OR8G1: variants seen among roughly 807,000 people sequenced by gnomAD.
OR8G1 encodes olfactory receptor family 8 subfamily G member 1.
For missense variants in OR8G1, 372 were observed against 356.2 expected (o/e 1.04, Z -0.36); for synonymous variants, 129 against 133.3 (o/e 0.97, Z 0.22).
In OR8G1 at chr11:124,242,161, G is replaced by A. The variant is rs1861767751; in HGVS notation, c.-97+797G>A. 2.0e-5 allele frequency among the ~76,000 whole-genome samples: 3 copies of A among 151,820 alleles called. 1 individual carries two copies. Among genetic ancestry groups the A allele is most frequent in the South Asian group, 4.2e-4 (2 of 4,818 alleles). On this transcript the variant is annotated intron_variant, in intron 1 of 2. Coordinates refer to ENST00000641972, the MANE Select transcript of OR8G1 (RefSeq NM_001002905.2). ...AGGTTAGTTACATTTATTAAAAGAT[G>A]TATTCATAAATCTTTCAAATGCCAC...
intron 1 of OR8G1, among the ~76,000 whole-genome samples, chr11:124,246,657 T>A (rs570924607): frequency 2.0e-5 from 3 of 151,800 alleles, no homozygotes; most frequent in African/African-American, 7.2e-5. Flanking sequence ...CTAAACAACA[T>A]AATTAATGCA....
rs1292481339 is a variant in OR8G1, at chr11:124,250,399, A to G, written c.724A>G (p.Ser242Gly). ...CAGGTCCAAAGCCTTCAGCACTTGT[A>G]GCTCCCACATGTTGGCGGTTGTAAT... ...EGRSKAFSTC[S>G]SHMLAVVIFF... The change falls in exon 3 of 3, where the codon AGC becomes GGC. Residue 242 changes from serine (S) to glycine (G), a missense_variant. By Grantham distance (56) the Ser-to-Gly change is moderately conservative. Coordinates refer to ENST00000641972, the MANE Select transcript of OR8G1 (RefSeq NM_001002905.2). 6.2e-7 allele frequency: 1 copy of G among 1,613,750 alleles called. No homozygotes were observed. Among genetic ancestry groups the G allele is most frequent in the South Asian group, 1.1e-5 (1 of 91,080 alleles).
At chr11:124,241,632 A>G (rs146803739) in intron 1 of OR8G1, among the ~76,000 whole-genome samples, 1 of 152,252 alleles carries the variant, frequency 6.6e-6, no homozygotes, top group Non-Finnish European at 1.5e-5. Flanking sequence ...AGCTTACAGT[A>G]GGAAGATCAA....
In OR8G1 at chr11:124,250,393, A is replaced by G. The variant is rs1475693180; in HGVS notation, c.718A>G (p.Thr240Ala). ...STEGRSKAFS[T>A]CSSHMLAVVI... ...TGAGGGCAGGTCCAAAGCCTTCAGC[A>G]CTTGTAGCTCCCACATGTTGGCGGT... is the stretch of plus-strand genomic sequence containing the variant. The change falls in exon 3 of 3, where the codon ACT becomes GCT. Residue 240 changes from threonine to alanine, a missense_variant. Coordinates refer to ENST00000641972, the MANE Select transcript of OR8G1 (RefSeq NM_001002905.2). 2.5e-6 allele frequency: 4 copies of G among 1,613,644 alleles called. No homozygotes were observed. The African/African-American group carries it at 5.3e-5, about 22-fold the overall frequency.
chr11:124,245,356 A>G (rs1861801507), intron 1 of OR8G1, among the ~76,000 whole-genome samples: 1 of 151,100 alleles, frequency 6.6e-6, no homozygotes, highest in South Asian at 2.1e-4. Flanking sequence ...ATCATTTTTT[A>G]TGGCTGCATA....
Position 124,249,939 on chromosome 11 carries a change from G to A in OR8G1, c.264G>A (p.Glu88=). 3 of 1,614,006 alleles carry A rather than the reference G, an allele frequency of 1.9e-6. No individual in the cohort carries two copies. Among genetic ancestry groups the A allele is most frequent in the Non-Finnish European group, 2.5e-6 (3 of 1,179,982 alleles). The change falls in exon 3 of 3, where the codon GAG becomes GAA. Residue 88 remains glutamate (E), a synonymous_variant. Transcript: ENST00000641972. ...TPKMLVNFVT[E]KNIISYPECM... ...AGATGCTGGTGAACTTTGTGACAGA[G>A]AAGAACATCATCTCCTACCCTGAAT...
At chr11:124,244,468 G>A (rs1460947552) in intron 1 of OR8G1, among the ~76,000 whole-genome samples, 2 of 151,732 alleles carry the variant, frequency 1.3e-5, no homozygotes, top group East Asian at 1.9e-4. Context: ...CATGTTACTC[G>A]GTCTTACTCA....
chr11:124,244,191 C>T (rs1264659652), intron 1 of OR8G1, among the ~76,000 whole-genome samples: 1 of 151,416 alleles, frequency 6.6e-6, no homozygotes, highest in African/African-American at 2.4e-5. Context: ...GGAAGAGCTT[C>T]AGAAGAACTA....
chr11:124,250,004 C>G lies in OR8G1; in HGVS notation c.329C>G (p.Ala110Gly), dbSNP rs376317264. Residue 110 changes from alanine (A) to glycine (G), a missense_variant, in exon 3 of 3, where the codon GCA (alanine) becomes GGA (glycine). Transcript: ENST00000641972. ...TACTTCTTCCTCGTTTTTGCTATTG[C>G]AGAGTGTCACATGTTGGCTGCAATG... ...QLYFFLVFAI[A>G]ECHMLAAMAY... 16 of 1,613,736 alleles carry G rather than the reference C, an allele frequency of 9.9e-6. No homozygotes were observed. Among genetic ancestry groups the G allele is most frequent in the African/African-American group, 1.3e-5 (1 of 74,884 alleles).
rs1861849482 is a variant in OR8G1, at chr11:124,249,976, C to T, written c.301C>T (p.Leu101Phe). 1 of 1,613,936 alleles carries T rather than the reference C, an allele frequency of 6.2e-7. No individual in the cohort carries two copies. The highest frequency in any genetic ancestry group is 2.2e-5 in the East Asian group (1 of 44,872). ...IISYPECMTQ[L>F]YFFLVFAIAE... The stretch of plus-strand genomic sequence containing the variant: ...CTCCTACCCTGAATGCATGACTCAG[C>T]TCTACTTCTTCCTCGTTTTTGCTAT... The change falls in exon 3 of 3, where the codon CTC (leucine) becomes TTC (phenylalanine). Residue 101 changes from leucine to phenylalanine, a missense_variant. Transcript: ENST00000641972.
At chr11:124,249,567 C>A in intron 2 of OR8G1, 93 bp from the exon 3 acceptor site, 1 of 1,283,186 alleles carries the variant, frequency 7.8e-7, no homozygotes, top group Non-Finnish European at 1.0e-6. Context: ...ATACCTAAAG[C>A]ATGAATATCT....
intron 1 of OR8G1, among the ~76,000 whole-genome samples, chr11:124,242,428 A>G (rs939196146): frequency 1.3e-5 from 2 of 152,086 alleles, no homozygotes; most frequent in African/African-American, 2.4e-5. Context: ...TTAATATGGC[A>G]TAATGAAGTT....
At chr11:124,242,097 A>G (rs1005518974) in intron 1 of OR8G1, among the ~76,000 whole-genome samples, 4 of 150,098 alleles carry the variant, frequency 2.7e-5, no homozygotes, top group African/African-American at 9.8e-5. Flanking sequence ...TTTTATTATT[A>G]TTATACTTTA....
chr11:124,247,181 A>G (rs1861820192), intron 1 of OR8G1, among the ~76,000 whole-genome samples: 1 of 151,776 alleles, frequency 6.6e-6, no homozygotes, highest in Admixed American at 6.6e-5. Flanking sequence ...AGAAACAACT[A>G]AAGTAGAAAT....
chr11:124,247,890 GA>G lies in OR8G1; in HGVS notation c.-17+11del, dbSNP rs1320397031. On this transcript the variant is annotated intron_variant, in intron 2 of 2. Transcript: ENST00000641972. ...TTTACATTTTTCTTGGGTAAGTACT[GA>G]GGAGCAGAATTATTATATTGCACAG... is the stretch of plus-strand genomic sequence containing the variant. 2.0e-5 allele frequency: 3 copies of G among 151,862 alleles called. No individual in the cohort carries two copies. Among genetic ancestry groups the G allele is most frequent in the Non-Finnish European group, 4.4e-5 (3 of 67,878 alleles). 9.4% of individuals were successfully genotyped at this position (151,862 alleles called of 1,614,324 possible).
intron 1 of OR8G1, among the ~76,000 whole-genome samples, chr11:124,242,803 C>T (rs1861772627): frequency 6.6e-6 from 1 of 151,972 alleles, no homozygotes; most frequent in Non-Finnish European, 1.5e-5. Flanking sequence ...TAAACTAAGA[C>T]TGGAAGTTAA....
rs1017994679 is a variant in OR8G1, at chr11:124,251,943, T to C, written c.*1332T>C. The C allele has an allele frequency of 6.6e-6, 1 of 152,358 alleles. No homozygotes were observed. Among genetic ancestry groups the C allele is most frequent in the African/African-American group, 2.4e-5 (1 of 41,456 alleles). The allele number at this position is 152,358 out of a possible 1,614,324, so 9.4% of individuals were successfully genotyped here. On this transcript the variant is annotated 3_prime_UTR_variant, in exon 3 of 3. Coordinates refer to ENST00000641972, the MANE Select transcript of OR8G1 (RefSeq NM_001002905.2). ...TATGTTTCTATAACCAGAAGAAATATTTCACTTGTCTATATTTGGATGGGG... is the reference window on the plus strand; with the variant it reads ...TATGTTTCTATAACCAGAAGAAATACTTCACTTGTCTATATTTGGATGGGG...
intron 1 of OR8G1, among the ~76,000 whole-genome samples, chr11:124,243,404 A>C (rs1213948795): frequency 6.6e-6 from 1 of 152,016 alleles, no homozygotes; most frequent in Admixed American, 6.6e-5. Context: ...ATACATTTTT[A>C]AATGTATATA....
chr11:124,250,084 T>C lies in OR8G1; in HGVS notation c.409T>C (p.Ser137Pro), dbSNP rs750738820. The C allele has an allele frequency of 3.7e-6, 6 of 1,613,678 alleles. No individual in the cohort carries two copies. The highest frequency in any genetic ancestry group is 3.4e-6 in the Non-Finnish European group (4 of 1,179,834). Reference sequence around the variant, plus strand: ...CCCCTTGCTGTACAGTGTCATCATATCCAATAAGGCTTGCTTTTCTCTGAT... The same window carrying C: ...CCCCTTGCTGTACAGTGTCATCATACCCAATAAGGCTTGCTTTTCTCTGAT... ...CSPLLYSVII[S>P]NKACFSLILG... The change falls in exon 3 of 3, where the codon TCC becomes CCC. Residue 137 changes from serine to proline, a missense_variant. Physicochemically the swap from Ser to Pro is moderately conservative, Grantham distance 74. Coordinates refer to ENST00000641972, the MANE Select transcript of OR8G1 (RefSeq NM_001002905.2).
Sources: allele counts gnomAD v4.1 joint callset (sites outside exome capture counted in the v4.1 genomes callset), GRCh38; gene constraint gnomAD v4.1.1; transcripts MANE v1.5; gene names NCBI Gene and HGNC (gene_info 2026-07-23, HGNC 2026-07-21).